ACE: variants seen among roughly 807,000 people sequenced by gnomAD.
ACE encodes angiotensin I converting enzyme.
A neutral mutation model predicts 162.3 loss-of-function variants in ACE; 122 were observed. The ratio of observed to expected loss-of-function variants is 0.75; its 90% CI spans 0.65 to 0.87. ACE has a LOEUF of 0.87. ACE is among the 40% of genes least tolerant of loss of function. ACE has a pLI of 0.00. For missense variants in ACE, 1,799 were observed against 1,735.1 expected (o/e 1.04, Z -0.65); for synonymous variants, 796 against 720.6 (o/e 1.10, Z -1.68).
At chr17:63,495,787 C>T (rs1330306355) in intron 22 of ACE, among the ~76,000 whole-genome samples, 1 of 152,234 alleles carries the variant, frequency 6.6e-6, no homozygotes, top group Non-Finnish European at 1.5e-5. Flanking sequence ...GGCCAGCAGC[C>T]TTCACAAAGC....
intron 2 of ACE, chr17:63,478,522 T>A: frequency 3.2e-6 from 1 of 308,568 alleles, no homozygotes. Context: ...ATAGCTGGGC[T>A]TGGTGGTGCG....
intron 22 of ACE, 56 bp from the exon 23 acceptor site, chr17:63,496,338 G>C: frequency 1.9e-6 from 3 of 1,613,338 alleles, no homozygotes. Flanking sequence ...CTGGGGCCCA[G>C]TGGCACAAGG....
rs1442693675 is a variant in ACE at position 63,497,838 on chromosome 17, CCT to C, written c.*473_*474del. On this transcript the variant is annotated 3_prime_UTR_variant, in exon 25 of 25. Coordinates refer to ENST00000290866, the MANE Select transcript of ACE (RefSeq NM_000789.4). Reference sequence around the variant, plus strand: ...CACTGTCCTGCCACCGCAGGCAGCCCCTGTCTGGCCCAAGCACTGACCCACGC... The same window carrying C: ...CACTGTCCTGCCACCGCAGGCAGCCCGTCTGGCCCAAGCACTGACCCACGC... 5 of 340,922 alleles carry C rather than the reference CCT, an allele frequency of 1.5e-5. No homozygotes were observed. The highest frequency in any genetic ancestry group is 2.8e-5 in the Non-Finnish European group (5 of 175,756). 21.1% of individuals were successfully genotyped at this position (340,922 alleles called of 1,614,324 possible).
At chr17:63,481,227 G>C in intron 6 of ACE, 39 bp downstream of exon 6, 1 of 1,377,902 alleles carries the variant, frequency 7.3e-7, no homozygotes, top group Non-Finnish European at 1.0e-6. Flanking sequence ...TGGGGGTCGG[G>C]GGTGGGGCGC....
At chr17:63,483,413 T>C in intron 9 of ACE, 47 bp from the exon 10 acceptor site, 1 of 1,556,666 alleles carries the variant, frequency 6.4e-7, no homozygotes. Context: ...TAAATCCATC[T>C]GTTTGCAACC....
Position 63,486,588 on chromosome 17 carries a change from C to A in ACE, c.2090C>A (p.Thr697Asn), listed in dbSNP as rs765315607. Residue 697 changes from threonine to asparagine, a missense_variant, in exon 14 of 25, where the codon ACC becomes AAC. By Grantham distance (65) the Thr-to-Asn change is moderately conservative (BLOSUM62 0). Transcript: ENST00000290866. The stretch of plus-strand genomic sequence containing the variant: ...AAGAACATGCAAATAGCCAACCACA[C>A]CCTGAAGTACGGCACCCAGGCCAGG... ...LQKNMQIANHTLKYGTQARKF... is the reference protein window; with the variant it reads ...LQKNMQIANHNLKYGTQARKF... The A allele has an allele frequency of 2.1e-5, 34 of 1,614,124 alleles. No individual in the cohort carries two copies. The Middle Eastern group carries it at 8.2e-4, about 39-fold the overall frequency.
rs1199599448 is a variant in ACE, at chr17:63,497,645, A to G, written c.*279A>G. 4 of 647,296 alleles carry G rather than the reference A, an allele frequency of 6.2e-6. 1 individual carries two copies. The highest frequency in any genetic ancestry group is 5.4e-5 in the African/African-American group (3 of 56,044). 40.1% of individuals were successfully genotyped at this position (647,296 alleles called of 1,614,324 possible). On this transcript the variant is annotated 3_prime_UTR_variant, in exon 25 of 25. Transcript: ENST00000290866. ...ATCTGAGTCTGTGTCCCTCACAGGGAAGCCAGGGACAGGGACAGGCTGCTT... is the reference window on the plus strand; with the variant it reads ...ATCTGAGTCTGTGTCCCTCACAGGGGAGCCAGGGACAGGGACAGGCTGCTT...
At chr17:63,477,745 G>A in intron 1 of ACE, 186 bp from the exon 2 acceptor site, 3 of 685,416 alleles carry the variant, frequency 4.4e-6, no homozygotes, top group Admixed American at 2.9e-5. Flanking sequence ...ATTCCCATGA[G>A]GCAGATTCCC....
At chr17:63,494,532 T>C (rs1416278217) in intron 22 of ACE, 62 bp downstream of exon 22, 3 of 1,431,912 alleles carry the variant, frequency 2.1e-6, no homozygotes, top group East Asian at 2.3e-5. Context: ...GTGTTTCAAC[T>C]GCGGCCACTG....
rs762143020 is a variant in ACE at position 63,483,809 on chromosome 17, C to T, written c.1587-40C>T. 1.7e-5 allele frequency: 28 copies of T among 1,613,118 alleles called. No individual in the cohort carries two copies. In the South Asian group the frequency reaches 2.5e-4, roughly 15 times the overall value. Reference sequence around the variant, plus strand: ...CTGGGTAAGGAACCCCTGTTCCTGGCCCCCCATGATCTTCCCTGACTCCCA... The same window carrying T: ...CTGGGTAAGGAACCCCTGTTCCTGGTCCCCCATGATCTTCCCTGACTCCCA... On this transcript the variant is annotated intron_variant, in intron 10 of 24. Transcript: ENST00000290866.
chr17:63,491,327 G>A lies in ACE; in HGVS notation c.2858G>A (p.Arg953Gln), dbSNP rs143507892. ...ATGCTGGAGAAGCCAACCGACGGGCGGGAGGTGGTCTGCCACGCCTCGGCC... is the reference window on the plus strand; with the variant it reads ...ATGCTGGAGAAGCCAACCGACGGGCAGGAGGTGGTCTGCCACGCCTCGGCC... The part of the protein sequence containing the change: ...KSMLEKPTDG[R>Q]EVVCHASAWD... The change falls in exon 19 of 25, where the codon CGG becomes CAG. Residue 953 changes from arginine (R) to glutamine (Q), a missense_variant. Coordinates refer to ENST00000290866, the MANE Select transcript of ACE (RefSeq NM_000789.4). This position sits in a 1 kb window ranked among gnomAD's most constrained non-coding sequence, Gnocchi z 4.4. The A allele has an allele frequency of 5.7e-4, 923 of 1,614,166 alleles. 11 individuals carry two copies. In the South Asian group the frequency reaches 8.4e-3, roughly 15 times the overall value.
intron 1 of ACE, 89 bp downstream of exon 1, chr17:63,477,432 C>T (rs917574425): frequency 2.5e-5 from 27 of 1,067,324 alleles, no homozygotes; most frequent in East Asian, 1.9e-4. Context: ...CAGGCTGGCG[C>T]CCCCGACCCG....
In ACE at chr17:63,491,612, A is replaced by G. The variant is rs1242526494; in HGVS notation, c.2912+231A>G. ...CAGCTCTGTCAGCCTGGCCGCTGGG[A>G]AGTGCTCAAGGTCCCAGTCCTGGGT... is the stretch of plus-strand genomic sequence containing the variant. On this transcript the variant is annotated intron_variant, in intron 19 of 24. Coordinates refer to ENST00000290866, the MANE Select transcript of ACE (RefSeq NM_000789.4). The surrounding 1 kb of genome is among the most constrained non-coding windows in gnomAD (Gnocchi z 4.4). Among the ~76,000 whole-genome samples, 2 of 152,150 alleles carry G rather than the reference A, an allele frequency of 1.3e-5. No individual in the cohort carries two copies. Among genetic ancestry groups the G allele is most frequent in the African/African-American group, 4.8e-5 (2 of 41,452 alleles).
Position 63,498,030 on chromosome 17 carries a change from GC to G in ACE, c.*669del. 5.6e-6 allele frequency: 1 copy of G among 178,726 alleles called. No individual in the cohort carries two copies. 11.1% of individuals were successfully genotyped at this position (178,726 alleles called of 1,614,324 possible). A position where few individuals can be genotyped will look rare whatever the true frequency, so the allele number is the denominator to read the frequency against. The stretch of plus-strand genomic sequence containing the variant: ...TTGGAGGGCCTGCTTCAAGGAGGGT[GC>G]CCCCTGGAGGGCACACACCAGCCTA... On this transcript the variant is annotated 3_prime_UTR_variant, in exon 25 of 25. Coordinates refer to ENST00000290866, the MANE Select transcript of ACE (RefSeq NM_000789.4).
chr17:63,482,290 G>A (rs1227890491), intron 7 of ACE, among the ~76,000 whole-genome samples, 176 bp from the exon 8 acceptor site: 2 of 151,172 alleles, frequency 1.3e-5, no homozygotes, highest in Non-Finnish European at 2.9e-5. Flanking sequence ...AAAAGAGTGA[G>A]ACGCTGTCTC....
At chr17:63,479,125 C>G in intron 3 of ACE, 25 bp downstream of exon 3, 1 of 1,571,140 alleles carries the variant, frequency 6.4e-7, no homozygotes, top group Non-Finnish European at 8.7e-7. Flanking sequence ...GCTCCCCTCT[C>G]GGCGGTGCCC....
rs763468579 is a variant in ACE, at chr17:63,484,918, G to A, written c.1922-318G>A. The A allele has an allele frequency of 6.3e-7, 1 of 1,594,908 alleles. No individual in the cohort carries two copies. Among genetic ancestry groups the A allele is most frequent in the Admixed American group, 1.8e-5 (1 of 57,092 alleles). ...GACTTCCCAGCCTCCTCTTCCTGCT[G>A]CTCTGCTACGGGCACCCTCTGCTGG... On this transcript the variant is annotated intron_variant, in intron 12 of 24. Coordinates refer to ENST00000290866, the MANE Select transcript of ACE (RefSeq NM_000789.4). The surrounding 1 kb of genome is among the most constrained non-coding windows in gnomAD (Gnocchi z 4.0).
chr17:63,495,446 A>G (rs1221687011), intron 22 of ACE, among the ~76,000 whole-genome samples: 1 of 152,158 alleles, frequency 6.6e-6, no homozygotes, highest in Admixed American at 6.5e-5. Flanking sequence ...GCCCATGCCC[A>G]CCTTGCCTCC....
chr17:63,493,987 C>G lies in ACE; in HGVS notation c.3202C>G (p.Leu1068Val). The change falls in exon 21 of 25, where the codon CTC (leucine) becomes GTC (valine). Residue 1068 changes from leucine to valine, a missense_variant. Physicochemically the swap from Leu to Val is conservative, Grantham distance 32 (BLOSUM62 1). Coordinates refer to ENST00000290866, the MANE Select transcript of ACE (RefSeq NM_000789.4). ...DKIAFIPFSYLVDQWRWRVFD... is the reference protein window; with the variant it reads ...DKIAFIPFSYVVDQWRWRVFD... ...GATCGCCTTTATCCCCTTCAGCTACCTCGTCGATCAGTGGCGCTGGAGGGT... is the reference window on the plus strand; with the variant it reads ...GATCGCCTTTATCCCCTTCAGCTACGTCGTCGATCAGTGGCGCTGGAGGGT... 1 of 1,614,068 alleles carries G rather than the reference C, an allele frequency of 6.2e-7. No homozygotes were observed. The highest frequency in any genetic ancestry group is 1.1e-5 in the South Asian group (1 of 91,084).
Sources: gnomAD v4.1 joint callset for allele counts (sites outside exome capture counted in the v4.1 genomes callset) on GRCh38, gnomAD v4.1.1 for gene constraint, Gnocchi (gnomAD v3.1) non-coding constraint, MANE v1.5 for transcripts, NCBI Gene and HGNC (gene_info 2026-07-23, HGNC 2026-07-21) for gene names.